HMGCLL1: variants seen among roughly 807,000 people sequenced by gnomAD.
HMGCLL1 encodes 3-hydroxymethyl-3-methylglutaryl-CoA lyase, cytoplasmic.
In HMGCLL1, 36 loss-of-function variants were observed where a neutral mutation model predicts 39.1. The observed-to-expected ratio is 0.92, with a 90% confidence interval of 0.71 to 1.22. HMGCLL1 has a LOEUF of 1.22. Among genes scored for constraint, HMGCLL1 ranks in the 50% most tolerant of loss-of-function variants. The pLI is 0.00. For missense variants in HMGCLL1, 451 were observed against 416.5 expected, an observed-to-expected ratio of 1.08 and a Z score of -0.72; for synonymous variants, 149 against 144.0, an observed-to-expected ratio of 1.03 and a Z score of -0.25.
intron 7 of HMGCLL1, among the ~76,000 whole-genome samples, chr6:55,450,980 G>C (rs1367395661): frequency 6.6e-6 from 1 of 152,098 alleles, no homozygotes; most frequent in Non-Finnish European, 1.5e-5. Context: ...CATTGGCTGA[G>C]AGTCATACAA....
chr6:55,659,515 C>T, the HMGCLL1 span, among the ~76,000 whole-genome samples: 3 of 151,862 alleles, frequency 2.0e-5, no homozygotes, highest in Non-Finnish European at 2.9e-5. Flanking sequence ...TGGTTAATTG[C>T]TAGTTGTCAT....
chr6:55,642,996 A>T, the HMGCLL1 span, among the ~76,000 whole-genome samples: 5 of 152,114 alleles, frequency 3.3e-5, no homozygotes, highest in East Asian at 9.6e-4. Flanking sequence ...GCTGCATATT[A>T]TTCCATGGTG....
chr6:55,436,170 A>G (rs924642), intron 8 of HMGCLL1, among the ~76,000 whole-genome samples: 41,254 of 151,736 alleles, frequency 0.27, 6,309 homozygotes, highest in East Asian at 0.38. Context: ...TATCCTCTTT[A>G]CTATATAAAG....
At position 55,510,616 on chromosome 6, in the gene HMGCLL1, G is replaced by A. The variant is rs957771281; in HGVS notation, c.542+3432C>T. On this transcript the variant is annotated intron_variant, in intron 5 of 8. Coordinates refer to ENST00000274901, the MANE Select transcript of HMGCLL1 (RefSeq NM_001042406.2). ...TGAGAACACATGGACACAGGAAGGG[G>A]AACATCACACTCTGGGGACTGTTGT... Among the ~76,000 whole-genome samples the A allele has an allele frequency of 3.4e-5, 4 of 117,416 alleles. No individual in the cohort carries two copies. The East Asian group carries it at 1.0e-3, about 31-fold the overall frequency. 77.0% of individuals were successfully genotyped at this position (117,416 alleles called of 152,430 possible). A position where few individuals can be genotyped will look rare whatever the true frequency, so the allele number is the denominator to read the frequency against.
At chr6:55,678,088 T>C in the HMGCLL1 span, among the ~76,000 whole-genome samples, 3 of 152,104 alleles carry the variant, frequency 2.0e-5, no homozygotes, top group African/African-American at 4.8e-5. Context: ...TTGTTAATAG[T>C]CAGGAAGCTA....
At chr6:55,661,976 G>A in the HMGCLL1 span, among the ~76,000 whole-genome samples, 2 of 150,722 alleles carry the variant, frequency 1.3e-5, no homozygotes, top group South Asian at 2.1e-4. Context: ...TGTGGCAATT[G>A]TGAATGTCTC....
chr6:55,484,798 A>T lies in HMGCLL1; in HGVS notation c.795+10621T>A, dbSNP rs534345837. Among the ~76,000 whole-genome samples, 7 of 152,202 alleles carry T rather than the reference A, an allele frequency of 4.6e-5. No individual in the cohort carries two copies. The South Asian group carries it at 1.2e-3, about 27-fold the overall frequency. On this transcript the variant is annotated intron_variant, in intron 7 of 8. Coordinates refer to ENST00000274901, the MANE Select transcript of HMGCLL1 (RefSeq NM_001042406.2). The stretch of plus-strand genomic sequence containing the variant: ...TTTCCTGGACTATTGCAATTGCATT[A>T]TTTCTAACTTGTCTCCTAATTCTTA...
the HMGCLL1 span, among the ~76,000 whole-genome samples, chr6:55,674,318 G>C: frequency 6.6e-6 from 1 of 151,456 alleles, no homozygotes; most frequent in Non-Finnish European, 1.5e-5. Flanking sequence ...ATGATTTGCT[G>C]AGCATGGGAT....
chr6:55,511,567 C>T (rs879769683), intron 5 of HMGCLL1, among the ~76,000 whole-genome samples: 13 of 151,932 alleles, frequency 8.6e-5, no homozygotes, highest in Admixed American at 2.0e-4. Context: ...TGACAACTGA[C>T]GACATAAATT....
chr6:55,631,420 A>C, the HMGCLL1 span, among the ~76,000 whole-genome samples: 1 of 152,098 alleles, frequency 6.6e-6, no homozygotes, highest in African/African-American at 2.4e-5. Flanking sequence ...ATTATAACCC[A>C]GGAACATTTT....
chr6:55,657,985 T>C, the HMGCLL1 span, among the ~76,000 whole-genome samples: 1 of 151,620 alleles, frequency 6.6e-6, no homozygotes, highest in Non-Finnish European at 1.5e-5. Context: ...GGTGATGAAA[T>C]AATCTGTACA....
At chr6:55,586,407 T>A in the HMGCLL1 span, among the ~76,000 whole-genome samples, 1 of 148,584 alleles carries the variant, frequency 6.7e-6, no homozygotes, top group Admixed American at 6.7e-5. Flanking sequence ...GTTTTTTTTT[T>A]ATTATACTTT....
chr6:55,634,567 C>T, the HMGCLL1 span, among the ~76,000 whole-genome samples: 1 of 152,270 alleles, frequency 6.6e-6, no homozygotes, highest in African/African-American at 2.4e-5. Flanking sequence ...TTCTTCCCAA[C>T]ATTCCTGCAG....
At chr6:55,562,730 G>A (rs750395421) in intron 1 of HMGCLL1, among the ~76,000 whole-genome samples, 52 of 152,184 alleles carry the variant, frequency 3.4e-4, no homozygotes, top group Admixed American at 3.9e-4. Context: ...CAGGCTAAGC[G>A]ATCAACTACA....
At chr6:55,478,832 A>G (rs1156243004) in intron 7 of HMGCLL1, among the ~76,000 whole-genome samples, 1 of 150,170 alleles carries the variant, frequency 6.7e-6, no homozygotes, top group Non-Finnish European at 1.5e-5. Flanking sequence ...TATTGTACTG[A>G]TTGGATGAGA....
At chr6:55,569,016 G>C (rs914568899) in intron 1 of HMGCLL1, among the ~76,000 whole-genome samples, 1 of 152,052 alleles carries the variant, frequency 6.6e-6, no homozygotes, top group African/African-American at 2.4e-5. Context: ...CACAGAGTAG[G>C]GGGAGGGAAA....
intron 1 of HMGCLL1, chr6:55,563,908 G>T (rs983523086): frequency 1.5e-5 from 19 of 1,287,256 alleles, no homozygotes; most frequent in Non-Finnish European, 1.9e-5. Flanking sequence ...ATCACAGACT[G>T]AAGCTCCTTT....
chr6:55,633,525 G>A, the HMGCLL1 span, among the ~76,000 whole-genome samples: 4 of 151,624 alleles, frequency 2.6e-5, no homozygotes, highest in South Asian at 6.3e-4. Flanking sequence ...TGAAAAAATG[G>A]AAAATAAGGT....
At chr6:55,538,482 G>C (rs1021397055) in intron 3 of HMGCLL1, among the ~76,000 whole-genome samples, 3 of 152,018 alleles carry the variant, frequency 2.0e-5, no homozygotes, top group Non-Finnish European at 4.4e-5. Flanking sequence ...AAAATTAATG[G>C]TGGCTAGTGA....
Sources: allele counts gnomAD v4.1 joint callset (sites outside exome capture counted in the v4.1 genomes callset), GRCh38; gene constraint gnomAD v4.1.1; transcripts MANE v1.5; gene names NCBI Gene and HGNC (gene_info 2026-07-23, HGNC 2026-07-21).